Variants in SV2B observed in about 807,000 individuals in gnomAD.
The protein encoded by SV2B is synaptic vesicle glycoprotein 2B.
A neutral mutation model predicts 73.9 loss-of-function variants in SV2B; 41 were observed. The observed-to-expected ratio is 0.56, with a 90% CI of 0.43 to 0.72. The LOEUF (loss-of-function observed/expected upper bound fraction) is 0.72. Among genes scored for constraint, SV2B ranks in the 30% least tolerant of loss-of-function variants. The pLI is 0.00. For missense variants in SV2B, 764 were observed against 857.8 expected (o/e 0.89, Z 1.37); for synonymous variants, 314 against 314.2 (o/e 1.00, Z 0.01).
chr15:91,243,611 G>A (rs1356912297), intron 2 of SV2B, among the ~76,000 whole-genome samples: 4 of 152,098 alleles, frequency 2.6e-5, no homozygotes, highest in Non-Finnish European at 2.9e-5. Context: ...TGGGGTCTGG[G>A]TCTCCTCATT....
At position 91,129,501 on chromosome 15, in the gene SV2B, G is replaced by A. The variant is rs1030214595; in HGVS notation, c.-392+29138G>A. Among the ~76,000 whole-genome samples the A allele has an allele frequency of 6.6e-5, 10 of 152,266 alleles. No individual in the cohort carries two copies. The highest frequency in any genetic ancestry group is 1.9e-4 in the African/African-American group (8 of 41,546). On this transcript the variant is annotated intron_variant, in intron 1 of 12. Coordinates refer to ENST00000394232, the MANE Select transcript of SV2B (RefSeq NM_001323032.3). This position sits in a 1 kb window ranked among gnomAD's most constrained non-coding sequence, Gnocchi z 5.1. ...GTATGTCTTGGAAAAGCCCAGAACC[G>A]GAGTATGGCCCTAGTGCATGGATGA... is the stretch of plus-strand genomic sequence containing the variant.
intron 6 of SV2B, among the ~76,000 whole-genome samples, chr15:91,260,806 G>T (rs1479790321): frequency 6.6e-6 from 1 of 152,170 alleles, no homozygotes; most frequent in Non-Finnish European, 1.5e-5. Flanking sequence ...CTTACATGGT[G>T]GTGGCAAGAG....
chr15:91,110,405 G>T lies in SV2B; in HGVS notation c.-392+10042G>T, dbSNP rs1223584159. Among the ~76,000 whole-genome samples, 1 of 152,150 alleles carries T rather than the reference G, an allele frequency of 6.6e-6. No homozygotes were observed. The highest frequency in any genetic ancestry group is 1.5e-5 in the Non-Finnish European group (1 of 68,034). On this transcript the variant is annotated intron_variant, in intron 1 of 12. Coordinates refer to ENST00000394232, the MANE Select transcript of SV2B (RefSeq NM_001323032.3). This position sits in a 1 kb window ranked among gnomAD's most constrained non-coding sequence, Gnocchi z 5.4. The stretch of plus-strand genomic sequence containing the variant: ...ATGGCACAACTAGTTCTCCCAAGCA[G>T]GTGAGAGCCTGGTTAGGCCCCTCAA...
chr15:91,255,875 T>C (rs2047670908), intron 4 of SV2B, among the ~76,000 whole-genome samples: 1 of 152,218 alleles, frequency 6.6e-6, no homozygotes, highest in Non-Finnish European at 1.5e-5. Context: ...CATTTGATGG[T>C]ATTTTCCAAT....
chr15:91,260,233 A>T, intron 5 of SV2B, 87 bp from the exon 6 acceptor site: 1 of 1,179,646 alleles, frequency 8.5e-7, no homozygotes, highest in Non-Finnish European at 1.2e-6. Context: ...CAACATTCCC[A>T]TTGAGTTTGT....
At position 91,229,501 on chromosome 15, in the gene SV2B, C is replaced by G. The variant is rs1225121205; in HGVS notation, c.451+2787C>G. Among the ~76,000 whole-genome samples the G allele has an allele frequency of 6.6e-6, 1 of 152,156 alleles. No individual in the cohort carries two copies. Among genetic ancestry groups the G allele is most frequent in the Non-Finnish European group, 1.5e-5 (1 of 68,040 alleles). On this transcript the variant is annotated intron_variant, in intron 2 of 12. Coordinates refer to ENST00000394232, the MANE Select transcript of SV2B (RefSeq NM_001323032.3). The surrounding 1 kb of genome is among the most constrained non-coding windows in gnomAD (Gnocchi z 4.3). ...GCAGTGAGATGACGAAGCAACGTGG[C>G]CCTGGAGCCAGTTGCTTGGATTTGA...
Position 91,252,496 on chromosome 15 carries a change from G to A in SV2B, c.760G>A (p.Ala254Thr). Reference sequence around the variant, plus strand: ...TGGGGGCCTGTACGCATCTGCCATGGCCTGGAGCATCATCCCACACTATGG... The same window carrying A: ...TGGGGGCCTGTACGCATCTGCCATGACCTGGAGCATCATCCCACACTATGG... The part of the protein sequence containing the change: ...MTGGLYASAM[A>T]WSIIPHYGWG... The change falls in exon 4 of 13, where the codon GCC becomes ACC. Residue 254 changes from alanine to threonine, a missense_variant. Coordinates refer to ENST00000394232, the MANE Select transcript of SV2B (RefSeq NM_001323032.3). This position sits in a 1 kb window ranked among gnomAD's most constrained non-coding sequence, Gnocchi z 4.6. The A allele has an allele frequency of 6.2e-7, 1 of 1,611,856 alleles. No homozygotes were observed. The highest frequency in any genetic ancestry group is 8.5e-7 in the Non-Finnish European group (1 of 1,178,900).
At chr15:91,259,103 T>A (rs1218256154) in intron 5 of SV2B, among the ~76,000 whole-genome samples, 1 of 147,672 alleles carries the variant, frequency 6.8e-6, no homozygotes, top group Non-Finnish European at 1.5e-5. Context: ...CTCAAAAAAA[T>A]AAAAATATAA....
At position 91,130,982 on chromosome 15, in the gene SV2B, C is replaced by T. The variant is rs1279251092; in HGVS notation, c.-392+30619C>T. Among the ~76,000 whole-genome samples, 6 of 151,528 alleles carry T rather than the reference C, an allele frequency of 4.0e-5. No homozygotes were observed. Among genetic ancestry groups the T allele is most frequent in the South Asian group, 2.1e-4 (1 of 4,776 alleles). On this transcript the variant is annotated intron_variant, in intron 1 of 12. Transcript: ENST00000394232. This position sits in a 1 kb window ranked among gnomAD's most constrained non-coding sequence, Gnocchi z 5.6. Reference sequence around the variant, plus strand: ...GGGAGGGTGTGGGGCTGAGAGCAGTCGGGGGTTAGCCTTAGAAAAGGGTAG... The same window carrying T: ...GGGAGGGTGTGGGGCTGAGAGCAGTTGGGGGTTAGCCTTAGAAAAGGGTAG...
intron 5 of SV2B, 63 bp from the exon 6 acceptor site, chr15:91,260,257 C>A: frequency 6.9e-7 from 1 of 1,438,864 alleles, no homozygotes; most frequent in South Asian, 1.3e-5. Context: ...ATTTTCCACC[C>A]CTAATGAACA....
intron 1 of SV2B, among the ~76,000 whole-genome samples, chr15:91,151,431 C>A (rs1279648870): frequency 1.3e-5 from 2 of 152,178 alleles, no homozygotes; most frequent in Non-Finnish European, 2.9e-5. Flanking sequence ...TAAATATAAA[C>A]CACTTTAGCC....
chr15:91,182,265 A>C (rs1382375854), intron 1 of SV2B, among the ~76,000 whole-genome samples: 1 of 152,172 alleles, frequency 6.6e-6, no homozygotes, highest in Non-Finnish European at 1.5e-5. Context: ...TGGACATGTG[A>C]CCGTCCATCT....
Position 91,232,772 on chromosome 15 carries a change from CAT to C in SV2B, c.451+6060_451+6061del, listed in dbSNP as rs543184744. Among the ~76,000 whole-genome samples the C allele has an allele frequency of 4.2e-3, 644 of 152,252 alleles. 5 individuals are homozygous for C. Among genetic ancestry groups the C allele is most frequent in the African/African-American group, 0.015 (617 of 41,540 alleles). On this transcript the variant is annotated intron_variant, in intron 2 of 12. Transcript: ENST00000394232. The surrounding 1 kb of genome is among the most constrained non-coding windows in gnomAD (Gnocchi z 4.7). ...AGTGGGTACATGTGCAGGTTTGTTACATAGATATATTGTATGATGCTGAGGTT... is the reference window on the plus strand; with the variant it reads ...AGTGGGTACATGTGCAGGTTTGTTACAGATATATTGTATGATGCTGAGGTT...
intron 1 of SV2B, among the ~76,000 whole-genome samples, chr15:91,207,513 C>T (rs1567344819): frequency 1.3e-5 from 2 of 152,110 alleles, no homozygotes; most frequent in Non-Finnish European, 2.9e-5. Flanking sequence ...CGCCGGCATA[C>T]CAAGGGTCAA....
At chr15:91,171,691 A>G (rs1264823830) in intron 1 of SV2B, among the ~76,000 whole-genome samples, 1 of 152,198 alleles carries the variant, frequency 6.6e-6, no homozygotes, top group East Asian at 1.9e-4. Context: ...CTGTGGCTTT[A>G]TTGATCGGCA....
At chr15:91,251,586 G>A (rs958710869) in intron 2 of SV2B, among the ~76,000 whole-genome samples, 5 of 152,176 alleles carry the variant, frequency 3.3e-5, no homozygotes. Context: ...CTCAGTTTTG[G>A]TTGATCTGTG....
At chr15:91,182,690 GTC>G (rs1485978991) in intron 1 of SV2B, among the ~76,000 whole-genome samples, 5 of 152,148 alleles carry the variant, frequency 3.3e-5, no homozygotes, top group Non-Finnish European at 7.3e-5. Flanking sequence ...TATTCCAAGA[GTC>G]TGTTCTTATG....
In SV2B at chr15:91,300,914, A is replaced by G. The variant is rs1165618128; in HGVS notation, c.*8362A>G. On this transcript the variant is annotated 3_prime_UTR_variant, in exon 13 of 13. Coordinates refer to ENST00000394232, the MANE Select transcript of SV2B (RefSeq NM_001323032.3). Reference sequence around the variant, plus strand: ...ACTGTAAAAAATATTTCATAGGTATAGAAGGCATTTGTAATACTGTTGGTT... The same window carrying G: ...ACTGTAAAAAATATTTCATAGGTATGGAAGGCATTTGTAATACTGTTGGTT... The G allele has an allele frequency of 6.6e-6, 1 of 152,236 alleles. No individual in the cohort carries two copies. Among genetic ancestry groups the G allele is most frequent in the Non-Finnish European group, 1.5e-5 (1 of 68,042 alleles). 9.4% of individuals were successfully genotyped at this position (152,236 alleles called of 1,614,324 possible).
chr15:91,258,036 C>A lies in SV2B; in HGVS notation c.785-385C>A, dbSNP rs1079535. Among the ~76,000 whole-genome samples, 63,814 of 152,034 alleles carry A rather than the reference C, an allele frequency of 0.42. 16,085 individuals are homozygous for A. Among genetic ancestry groups the A allele is most frequent in the African/African-American group, 0.71 (29,404 of 41,464 alleles). On this transcript the variant is annotated intron_variant, in intron 4 of 12. Transcript: ENST00000394232. The surrounding 1 kb of genome is among the most constrained non-coding windows in gnomAD (Gnocchi z 4.7). ...AAGGCAGGCAAATAGAATATGTTTCCTTTAACAATCTGCCATCTTAAAATA... is the reference window on the plus strand; with the variant it reads ...AAGGCAGGCAAATAGAATATGTTTCATTTAACAATCTGCCATCTTAAAATA...
Sources: allele counts gnomAD v4.1 joint callset (sites outside exome capture counted in the v4.1 genomes callset), GRCh38; gene constraint gnomAD v4.1.1; non-coding constraint Gnocchi (gnomAD v3.1); transcripts MANE v1.5; gene names NCBI Gene and HGNC (gene_info 2026-07-23, HGNC 2026-07-21).